Variants in RAD51D observed in about 807,000 individuals in gnomAD.
RAD51D encodes the protein DNA repair protein RAD51 homolog 4.
A neutral mutation model predicts 44.1 loss-of-function variants in RAD51D; 38 were observed. The ratio of observed to expected loss-of-function variants is 0.86; its 90% CI spans 0.67 to 1.13. RAD51D has a LOEUF of 1.13. Ranked by LOEUF, RAD51D falls within the 50% of genes most tolerant of loss-of-function variation. The pLI is 0.00. For synonymous variants in RAD51D, 141 were observed against 166.6 expected, an observed-to-expected ratio of 0.85 and a Z score of 1.18; for missense variants, 390 against 414.0, an observed-to-expected ratio of 0.94 and a Z score of 0.50.
intron 8 of RAD51D, among the ~76,000 whole-genome samples, chr17:35,101,830 T>C (rs748939911): frequency 3.3e-5 from 5 of 152,156 alleles, no homozygotes; most frequent in Non-Finnish European, 7.4e-5. Flanking sequence ...TCCATGTATA[T>C]GAGGTTCCTA....
rs1454119069 is a variant in RAD51D at position 35,110,442 on chromosome 17, A to G, written c.264-2995T>C. Among the ~76,000 whole-genome samples the G allele has an allele frequency of 2.0e-5, 3 of 152,118 alleles. No homozygotes were observed. The East Asian group carries it at 5.8e-4, about 29-fold the overall frequency. On this transcript the variant is annotated intron_variant, in intron 3 of 9. Coordinates refer to ENST00000345365, the MANE Select transcript of RAD51D (RefSeq NM_002878.4). ...AAGTTTTAAATTTTGATTAGGCCCC[A>G]TTAATCAAAAATTTTTTCATGGATC...
intron 3 of RAD51D, among the ~76,000 whole-genome samples, chr17:35,108,035 T>C (rs1175662907): frequency 6.6e-6 from 1 of 151,620 alleles, no homozygotes; most frequent in Non-Finnish European, 1.5e-5. Flanking sequence ...TAGGCGTGAG[T>C]CACCACGCCC....
chr17:35,094,996 C>G lies in RAD51D; in HGVS notation c.*5957G>C, dbSNP rs1412018715. 1 of 152,216 alleles carries G rather than the reference C, an allele frequency of 6.6e-6. No homozygotes were observed. The highest frequency in any genetic ancestry group is 1.9e-4 in the East Asian group (1 of 5,198). The allele number at this position is 152,216 out of a possible 1,614,324, so 9.4% of individuals were successfully genotyped here. A position where few individuals can be genotyped will look rare whatever the true frequency, so the allele number is the denominator to read the frequency against. ...CCCATTTTTCTTTCAGTGGCTCCAG[C>G]ATGTGCTTCAGGAAAGCCTGTCCCC... On this transcript the variant is annotated 3_prime_UTR_variant, in exon 10 of 10. Transcript: ENST00000345365.
rs960534942 is a variant in RAD51D, at chr17:35,103,985, G to A, written c.577-441C>T. Among the ~76,000 whole-genome samples, 5 of 152,222 alleles carry A rather than the reference G, an allele frequency of 3.3e-5. No individual in the cohort carries two copies. Among genetic ancestry groups the A allele is most frequent in the African/African-American group, 1.2e-4 (5 of 41,460 alleles). ...CCCAGCTACTCAGGAGGCTGAGGCA[G>A]GAGAATCGCTTGAAACTGGGAGGCG... is the stretch of plus-strand genomic sequence containing the variant. On this transcript the variant is annotated intron_variant, in intron 6 of 9. Transcript: ENST00000345365. The surrounding 1 kb of genome is among the most constrained non-coding windows in gnomAD (Gnocchi z 4.1).
Position 35,094,599 on chromosome 17 carries a change from C to G in RAD51D, c.*6354G>C, listed in dbSNP as rs1252147849. On this transcript the variant is annotated 3_prime_UTR_variant, in exon 10 of 10. Transcript: ENST00000345365. The stretch of plus-strand genomic sequence containing the variant: ...GAAAAGAGGTTGGGATGTGCAGCCC[C>G]TGCTGCTATCAGGGCAAAGTATGAA... The G allele has an allele frequency of 6.6e-6, 1 of 152,228 alleles. No homozygotes were observed. Among genetic ancestry groups the G allele is most frequent in the Admixed American group, 6.5e-5 (1 of 15,274 alleles). The allele number at this position is 152,228 out of a possible 1,614,324, so 9.4% of individuals were successfully genotyped here.
chr17:35,107,056 T>G lies in RAD51D; in HGVS notation c.412A>C (p.Asn138His), dbSNP rs141690729. 22 of 1,613,968 alleles carry G rather than the reference T, an allele frequency of 1.4e-5. No homozygotes were observed. Among genetic ancestry groups the G allele is most frequent in the Non-Finnish European group, 1.8e-5 (21 of 1,180,018 alleles). ...LQQNVLYVDS[N>H]GGLTASRLLQ... ...AGGCGGGAAGCTGTCAGCCCTCCAT[T>G]GGAATCTACATATAGGACGTTTTGC... is the stretch of plus-strand genomic sequence containing the variant. The change falls in exon 5 of 10, where the codon AAT becomes CAT. Residue 138 changes from asparagine to histidine, a missense_variant. By Grantham distance (68) the Asn-to-His change is moderately conservative (BLOSUM62 1). Coordinates refer to ENST00000345365, the MANE Select transcript of RAD51D (RefSeq NM_002878.4).
Position 35,119,807 on chromosome 17 carries a change from C to T in RAD51D, c.-194G>A. The T allele has an allele frequency of 2.8e-6, 2 of 704,900 alleles. No homozygotes were observed. The highest frequency in any genetic ancestry group is 5.1e-6 in the Non-Finnish European group (2 of 393,346). The allele number at this position is 704,900 out of a possible 1,614,324, so 43.7% of individuals were successfully genotyped here. On this transcript the variant is annotated 5_prime_UTR_variant, in exon 1 of 10. Transcript: ENST00000345365. ...GGTCATCCGCCCGCCCGGGATCCGC[C>T]GGGATTCCCGCGCCCAGAGCCCGCC...
chr17:35,109,144 G>A (rs933215916), intron 3 of RAD51D, among the ~76,000 whole-genome samples: 1 of 152,126 alleles, frequency 6.6e-6, no homozygotes, highest in Non-Finnish European at 1.5e-5. Flanking sequence ...GGGGATTACA[G>A]ACATGAGCCA....
At chr17:35,115,800 G>A (rs1157746632) in intron 3 of RAD51D, among the ~76,000 whole-genome samples, 2 of 151,572 alleles carry the variant, frequency 1.3e-5, no homozygotes, top group African/African-American at 4.9e-5. Context: ...AACCCTGGAG[G>A]CGGAGGTTGC....
chr17:35,102,931 T>C (rs1009241399), intron 8 of RAD51D, among the ~76,000 whole-genome samples: 2 of 152,188 alleles, frequency 1.3e-5, no homozygotes, highest in Admixed American at 1.3e-4. Context: ...CTGGGGGACC[T>C]TTTGGTGGGG....
chr17:35,117,181 A>G, intron 3 of RAD51D: 1 of 892,558 alleles, frequency 1.1e-6, no homozygotes, highest in Non-Finnish European at 1.7e-6. Context: ...CCTTAAGGGC[A>G]GGGGCCTTGC....
chr17:35,117,035 T>C lies in RAD51D; in HGVS notation c.263+1466A>G, dbSNP rs781627001. ...GGTTCCCACTTGAGTGCGCCCTCCA[T>C]GTCTGTTGGATTTATAAACTCCCTA... On this transcript the variant is annotated intron_variant, in intron 3 of 9. Transcript: ENST00000345365. The C allele has an allele frequency of 1.9e-6, 3 of 1,611,058 alleles. No homozygotes were observed. In the South Asian group the frequency reaches 3.3e-5, roughly 18 times the overall value.
At chr17:35,115,207 T>C (rs1426367590) in intron 3 of RAD51D, 2 of 500,412 alleles carry the variant, frequency 4.0e-6, no homozygotes, top group Middle Eastern at 3.2e-4. Flanking sequence ...CTGGGACTTA[T>C]CCTCTGCCTT....
intron 3 of RAD51D, among the ~76,000 whole-genome samples, chr17:35,108,183 TAC>T (rs1190563625): frequency 1.3e-5 from 2 of 151,270 alleles, no homozygotes; most frequent in Non-Finnish European, 2.9e-5. Flanking sequence ...AGGTGGAGGT[TAC>T]AGTGAGCCGA....
Position 35,107,441 on chromosome 17 carries a change from A to T in RAD51D, c.270T>A (p.Asp90Glu), listed in dbSNP as rs1567728766. The change falls in exon 4 of 10, where the codon GAT becomes GAA. Residue 90 changes from aspartate (D) to glutamate (E), a missense_variant. Transcript: ENST00000345365. ...AILSTGIGSL[D>E]KLLDAGLYTG... ...TATAGAGACCAGCATCAAGCAGTTT[A>T]TCAAGACTGATGGCAGAAGAGAAGA... is the stretch of plus-strand genomic sequence containing the variant. The T allele has an allele frequency of 1.9e-6, 3 of 1,543,994 alleles. No homozygotes were observed. The highest frequency in any genetic ancestry group is 2.7e-6 in the Non-Finnish European group (3 of 1,116,212).
chr17:35,103,906 C>G lies in RAD51D; in HGVS notation c.577-362G>C, dbSNP rs1481916080. Among the ~76,000 whole-genome samples, 1 of 151,984 alleles carries G rather than the reference C, an allele frequency of 6.6e-6. No homozygotes were observed. Among genetic ancestry groups the G allele is most frequent in the African/African-American group, 2.4e-5 (1 of 41,392 alleles). On this transcript the variant is annotated intron_variant, in intron 6 of 9. Transcript: ENST00000345365. This position sits in a 1 kb window ranked among gnomAD's most constrained non-coding sequence, Gnocchi z 4.1. ...CAGCCTGGCCAACATGGTGAAACCC[C>G]GTCTCCACTAAACATACAAAAATTA...
intron 3 of RAD51D, among the ~76,000 whole-genome samples, chr17:35,107,690 A>G (rs1416933002): frequency 7.2e-6 from 1 of 138,908 alleles, no homozygotes; most frequent in South Asian, 2.3e-4. Context: ...CTGCCACCCC[A>G]TCAGAAGGTT....
intron 3 of RAD51D, among the ~76,000 whole-genome samples, chr17:35,117,728 C>G (rs918568068): frequency 2.6e-5 from 4 of 152,164 alleles, no homozygotes; most frequent in African/African-American, 9.7e-5. Flanking sequence ...GTCTCAAACT[C>G]CCGGCCTCCA....
At chr17:35,106,177 G>A (rs1393108824) in intron 6 of RAD51D, 6 of 715,766 alleles carry the variant, frequency 8.4e-6, no homozygotes, top group South Asian at 1.4e-5. Flanking sequence ...CACTCAGGGG[G>A]CTTTACTGTT....
Sources: allele counts gnomAD v4.1 joint callset (sites outside exome capture counted in the v4.1 genomes callset), GRCh38; gene constraint gnomAD v4.1.1; non-coding constraint Gnocchi (gnomAD v3.1); transcripts MANE v1.5; gene names NCBI Gene and HGNC (gene_info 2026-07-23, HGNC 2026-07-21).